The following NEGR1 variants were observed in gnomAD, a reference collection of about 807,000 sequenced individuals.
The protein encoded by NEGR1 is IgLON family member 4.
Under a neutral mutation model 40.9 loss-of-function variants are expected in NEGR1, and 10 were observed. The observed-to-expected ratio is 0.24, with a 90% CI of 0.15 to 0.42. The LOEUF (loss-of-function observed/expected upper bound fraction) is 0.42. Among genes scored for constraint, NEGR1 ranks in the 10% least tolerant of loss-of-function variants. The pLI is 1.00. For missense variants in NEGR1, 352 were observed against 438.9 expected (o/e 0.80, Z 1.77); for synonymous variants, 185 against 166.8 (o/e 1.11, Z -0.84).
Position 71,401,452 on chromosome 1 carries a change from C to T in NEGR1, c.*5994G>A, listed in dbSNP as rs1646246060. 6.6e-6 allele frequency: 1 copy of T among 152,030 alleles called. No homozygotes were observed. Among genetic ancestry groups the T allele is most frequent in the Non-Finnish European group, 1.5e-5 (1 of 67,996 alleles). 9.4% of individuals were successfully genotyped at this position (152,030 alleles called of 1,614,324 possible). ...TGAAAATCACACTTTTTATGTTTTT[C>T]AAACTAAGTGGTGATATCCATAGGA... is the stretch of plus-strand genomic sequence containing the variant. On this transcript the variant is annotated 3_prime_UTR_variant, in exon 7 of 7. Coordinates refer to ENST00000357731, the MANE Select transcript of NEGR1 (RefSeq NM_173808.3).
At chr1:71,937,887 T>G (rs999563187) in intron 1 of NEGR1, among the ~76,000 whole-genome samples, 2 of 152,080 alleles carry the variant, frequency 1.3e-5, no homozygotes, top group Admixed American at 6.6e-5. Context: ...AGCTTTACCT[T>G]TATTTGGGGG....
At chr1:71,580,937 A>C (rs1649116269) in intron 6 of NEGR1, among the ~76,000 whole-genome samples, 1 of 152,164 alleles carries the variant, frequency 6.6e-6, no homozygotes. Context: ...CAATTGAGAA[A>C]GTTTTAGAAA....
Position 71,555,671 on chromosome 1 carries a change from A to G in NEGR1, c.940+37146T>C, listed in dbSNP as rs372118530. On this transcript the variant is annotated intron_variant, in intron 6 of 6. Coordinates refer to ENST00000357731, the MANE Select transcript of NEGR1 (RefSeq NM_173808.3). Reference sequence around the variant, plus strand: ...TTTCTTTCCTAAGTCACTCGTGAACATAAGGTCAGCAAAGATCCACTGAAA... The same window carrying G: ...TTTCTTTCCTAAGTCACTCGTGAACGTAAGGTCAGCAAAGATCCACTGAAA... Among the ~76,000 whole-genome samples the G allele has an allele frequency of 2.6e-5, 4 of 151,680 alleles. No homozygotes were observed. In the South Asian group the frequency reaches 6.2e-4, roughly 24 times the overall value.
chr1:71,535,939 A>G (rs544498408), intron 6 of NEGR1, among the ~76,000 whole-genome samples: 1 of 151,868 alleles, frequency 6.6e-6, no homozygotes, highest in Non-Finnish European at 1.5e-5. Flanking sequence ...AGGGTTTGGA[A>G]GGATTAAAGA....
At chr1:71,496,742 G>A (rs908669558) in intron 6 of NEGR1, among the ~76,000 whole-genome samples, 1 of 152,102 alleles carries the variant, frequency 6.6e-6, no homozygotes, top group Non-Finnish European at 1.5e-5. Flanking sequence ...ACACTACAGA[G>A]CCTGGCTGAG....
intron 6 of NEGR1, among the ~76,000 whole-genome samples, chr1:71,489,494 T>G (rs565208106): frequency 1.3e-5 from 2 of 151,962 alleles, no homozygotes; most frequent in East Asian, 3.9e-4. Context: ...AAAACACTGA[T>G]TGATAGAGTA....
chr1:72,005,543 T>C (rs1373191693), intron 1 of NEGR1, among the ~76,000 whole-genome samples: 1 of 152,220 alleles, frequency 6.6e-6, no homozygotes. Context: ...ATTATACATA[T>C]CCAGATTTGT....
intron 1 of NEGR1, among the ~76,000 whole-genome samples, chr1:72,211,165 C>G (rs1570126332): frequency 6.6e-6 from 1 of 151,848 alleles, no homozygotes; most frequent in East Asian, 1.9e-4. Context: ...TCTAATCAGT[C>G]TCTTGCTTTC....
intron 2 of NEGR1, among the ~76,000 whole-genome samples, chr1:71,883,133 C>T (rs892622712): frequency 2.6e-4 from 40 of 152,036 alleles, no homozygotes; most frequent in Admixed American, 1.8e-3. Context: ...ATTGCTTCAA[C>T]GATTGTAAAT....
intron 1 of NEGR1, among the ~76,000 whole-genome samples, chr1:72,055,165 T>C (rs1481358101): frequency 6.6e-6 from 1 of 151,216 alleles, no homozygotes; most frequent in Admixed American, 6.6e-5. Flanking sequence ...CTATATATTT[T>C]TATCTCTACT....
At chr1:71,522,730 T>TACAC (rs3980477) in intron 6 of NEGR1, among the ~76,000 whole-genome samples, 45,297 of 144,150 alleles carry the variant, frequency 0.31, 8,550 homozygotes, top group South Asian at 0.42. Flanking sequence ...ACCCCCCCCT[T>TACAC]ACACACACAC....
intron 1 of NEGR1, among the ~76,000 whole-genome samples, chr1:72,252,175 G>GGCTCACCACAACCT (rs1655124700): frequency 2.6e-5 from 4 of 151,258 alleles, no homozygotes; most frequent in African/African-American, 9.8e-5. Flanking sequence ...GGGCGATGTA[G>GGCTCACCACAACCT]CTGGGATTAT....
At chr1:71,534,800 G>T (rs867115854) in intron 6 of NEGR1, among the ~76,000 whole-genome samples, 7 of 151,566 alleles carry the variant, frequency 4.6e-5, no homozygotes, top group Non-Finnish European at 1.0e-4. Flanking sequence ...AGTTAGAAAT[G>T]CCAGGCCTCA....
chr1:72,200,032 C>G (rs909663151), intron 1 of NEGR1, among the ~76,000 whole-genome samples: 4 of 151,830 alleles, frequency 2.6e-5, no homozygotes, highest in Non-Finnish European at 5.9e-5. Flanking sequence ...GTGACAGAGG[C>G]AGGTGAGGTG....
At chr1:72,123,492 A>G (rs1649884984) in intron 1 of NEGR1, among the ~76,000 whole-genome samples, 1 of 151,832 alleles carries the variant, frequency 6.6e-6, no homozygotes, top group Non-Finnish European at 1.5e-5. Flanking sequence ...TATGGAGATA[A>G]AGGCAAATAA....
intron 6 of NEGR1, among the ~76,000 whole-genome samples, chr1:71,536,603 C>T (rs560290509): frequency 6.6e-6 from 1 of 151,828 alleles, no homozygotes; most frequent in East Asian, 2.0e-4. Flanking sequence ...TTTACAGCAA[C>T]ATAAATGGAC....
intron 2 of NEGR1, among the ~76,000 whole-genome samples, chr1:71,824,364 A>G (rs910418065): frequency 1.3e-5 from 2 of 151,908 alleles, no homozygotes; most frequent in Admixed American, 6.6e-5. Flanking sequence ...TCATAAAAAA[A>G]AAAACTGGAG....
chr1:71,505,245 C>T (rs970915989), intron 6 of NEGR1, among the ~76,000 whole-genome samples: 1 of 152,002 alleles, frequency 6.6e-6, no homozygotes, highest in African/African-American at 2.4e-5. Context: ...TGTTCAGACT[C>T]GCCACCCTGT....
At chr1:71,977,493 T>C (rs571029982) in intron 1 of NEGR1, among the ~76,000 whole-genome samples, 1 of 152,248 alleles carries the variant, frequency 6.6e-6, no homozygotes, top group South Asian at 2.1e-4. Context: ...TTAAAAATGG[T>C]CAACGAGTGT....
Sources: allele counts gnomAD v4.1 joint callset (sites outside exome capture counted in the v4.1 genomes callset), GRCh38; gene constraint gnomAD v4.1.1; transcripts MANE v1.5; gene names NCBI Gene and HGNC (gene_info 2026-07-23, HGNC 2026-07-21).